Variants in GRID1 observed in about 807,000 individuals in gnomAD.
GRID1 encodes glutamate receptor ionotropic, delta-1.
In GRID1, 28 loss-of-function variants were observed where a neutral mutation model predicts 98.0. The ratio of observed to expected loss-of-function variants is 0.29; its 90% confidence interval spans 0.21 to 0.39. The LOEUF (loss-of-function observed/expected upper bound fraction) is 0.39. GRID1 is among the 10% of genes least tolerant of loss of function. The pLI, the probability that GRID1 is intolerant of heterozygous loss-of-function variation, is 1.00. For synonymous variants in GRID1, 553 were observed against 538.5 expected, an observed-to-expected ratio of 1.03 and a Z score of -0.37; for missense variants, 1,111 against 1,340.5, an observed-to-expected ratio of 0.83 and a Z score of 2.67.
intron 3 of GRID1, among the ~76,000 whole-genome samples, chr10:86,158,491 C>T (rs528525429): frequency 4.6e-5 from 7 of 152,322 alleles, no homozygotes; most frequent in African/African-American, 1.7e-4. Context: ...GACTCCTGAC[C>T]TTTCCAAACT....
chr10:85,643,505 C>T (rs889716659), intron 13 of GRID1, among the ~76,000 whole-genome samples: 4 of 152,068 alleles, frequency 2.6e-5, no homozygotes, highest in African/African-American at 9.7e-5. Context: ...GCAGAGGGGC[C>T]GCTCCATAGG....
chr10:86,231,286 C>T (rs552217559), intron 2 of GRID1, among the ~76,000 whole-genome samples: 19 of 152,252 alleles, frequency 1.2e-4, no homozygotes, highest in South Asian at 8.3e-4. Context: ...GCAGGGGGCC[C>T]GGGCTGGTTC....
chr10:85,705,079 C>T (rs565674772), intron 12 of GRID1, among the ~76,000 whole-genome samples: 1 of 152,278 alleles, frequency 6.6e-6, no homozygotes, highest in Non-Finnish European at 1.5e-5. Flanking sequence ...CGAGAGCAAA[C>T]ACATTCAAAA....
chr10:85,967,882 T>C (rs1436920143), intron 4 of GRID1, among the ~76,000 whole-genome samples: 1 of 152,108 alleles, frequency 6.6e-6, no homozygotes, highest in Non-Finnish European at 1.5e-5. Context: ...GTACTGCAAG[T>C]AAAAGACCGT....
chr10:85,799,406 C>T (rs983797390), intron 8 of GRID1, among the ~76,000 whole-genome samples: 7 of 152,020 alleles, frequency 4.6e-5, no homozygotes, highest in Non-Finnish European at 7.4e-5. Flanking sequence ...TATCTGCACT[C>T]CTATGTTTAT....
intron 12 of GRID1, among the ~76,000 whole-genome samples, chr10:85,662,873 T>C (rs1232107656): frequency 6.6e-6 from 1 of 152,130 alleles, no homozygotes; most frequent in Non-Finnish European, 1.5e-5. Context: ...CAGATCTGAC[T>C]CTTTAGGCCT....
At chr10:86,084,274 A>T (rs1844018525) in intron 4 of GRID1, among the ~76,000 whole-genome samples, 1 of 151,984 alleles carries the variant, frequency 6.6e-6, no homozygotes, top group South Asian at 2.1e-4. Flanking sequence ...TTTAAAAATG[A>T]GGAGGCCTTA....
At chr10:85,792,053 T>C (rs1842485718) in intron 8 of GRID1, among the ~76,000 whole-genome samples, 1 of 152,138 alleles carries the variant, frequency 6.6e-6, no homozygotes, top group Non-Finnish European at 1.5e-5. Context: ...CTAAGTGTAT[T>C]CATGAGCTAG....
At chr10:85,850,546 C>A (rs1303364267) in intron 8 of GRID1, among the ~76,000 whole-genome samples, 1 of 152,218 alleles carries the variant, frequency 6.6e-6, no homozygotes, top group Non-Finnish European at 1.5e-5. Context: ...CAGCTCAAGG[C>A]TGCAAGAGGG....
At chr10:86,344,103 T>G (rs1313282712) in intron 2 of GRID1, among the ~76,000 whole-genome samples, 1 of 152,222 alleles carries the variant, frequency 6.6e-6, no homozygotes, top group Non-Finnish European at 1.5e-5. Context: ...TAAATCAGGC[T>G]CTCTGGGGTG....
chr10:85,675,470 A>T (rs1841134110), intron 12 of GRID1, among the ~76,000 whole-genome samples: 1 of 152,212 alleles, frequency 6.6e-6, no homozygotes, highest in African/African-American at 2.4e-5. Flanking sequence ...GCTTTCAGGA[A>T]TGACAGACAT....
At chr10:86,091,104 T>C (rs1342776589) in intron 4 of GRID1, among the ~76,000 whole-genome samples, 1 of 152,092 alleles carries the variant, frequency 6.6e-6, no homozygotes, top group Non-Finnish European at 1.5e-5. Context: ...AGCTGAACTT[T>C]TTAACAATTT....
At chr10:85,848,622 A>G (rs1222836652) in intron 8 of GRID1, among the ~76,000 whole-genome samples, 1 of 152,240 alleles carries the variant, frequency 6.6e-6, no homozygotes, top group African/African-American at 2.4e-5. Context: ...AGAAAATACA[A>G]CAGAAACATT....
intron 4 of GRID1, among the ~76,000 whole-genome samples, chr10:85,989,531 A>G (rs2131867021): frequency 6.6e-6 from 1 of 152,320 alleles, no homozygotes; most frequent in African/African-American, 2.4e-5. Flanking sequence ...CCCCCTGTTC[A>G]ATCAGCATCG....
At chr10:86,201,071 A>G (rs1845944252) in intron 3 of GRID1, among the ~76,000 whole-genome samples, 1 of 152,358 alleles carries the variant, frequency 6.6e-6, no homozygotes, top group South Asian at 2.1e-4. Context: ...TCCTCAGAAT[A>G]GACCCTGAAA....
At chr10:85,652,815 C>T (rs184778513) in intron 12 of GRID1, among the ~76,000 whole-genome samples, 2 of 152,286 alleles carry the variant, frequency 1.3e-5, no homozygotes, top group African/African-American at 4.8e-5. Context: ...TAGGTGTCTT[C>T]CTTCTTTCAT....
intron 8 of GRID1, among the ~76,000 whole-genome samples, chr10:85,853,765 T>G (rs1048860103): frequency 6.6e-6 from 1 of 152,224 alleles, no homozygotes; most frequent in Non-Finnish European, 1.5e-5. Context: ...CATGTCGGCC[T>G]CTTTGTCCTA....
At chr10:85,901,227 T>TTTTATTTTATTTTA (rs1554838758) in intron 5 of GRID1, among the ~76,000 whole-genome samples, 3 of 146,274 alleles carry the variant, frequency 2.1e-5, no homozygotes, top group African/African-American at 7.8e-5. Flanking sequence ...TTTTATTTTA[T>TTTTATTTTATTTTA]TTTATTTATT....
chr10:86,035,311 C>T (rs540606660), intron 4 of GRID1, among the ~76,000 whole-genome samples: 4 of 152,300 alleles, frequency 2.6e-5, no homozygotes, highest in African/African-American at 7.2e-5. Context: ...CTTCCTTAGT[C>T]GTGCTGAATT....
Sources: allele counts gnomAD v4.1 joint callset (sites outside exome capture counted in the v4.1 genomes callset), GRCh38; gene constraint gnomAD v4.1.1; transcripts MANE v1.5; gene names NCBI Gene and HGNC (gene_info 2026-07-23, HGNC 2026-07-21).